ZNF121: variants seen among roughly 807,000 people sequenced by gnomAD.
The protein encoded by ZNF121 is zinc finger protein 121.
In ZNF121, 1 loss-of-function variant was observed where a neutral mutation model predicts 2.4. The observed-to-expected ratio is 0.41, with a 90% CI of 0.15 to 1.94. The LOEUF (loss-of-function observed/expected upper bound fraction) is 1.94, where lower values mean the gene tolerates loss of function less well. ZNF121 is among the 30% of genes most tolerant of loss of function. The probability of loss-of-function intolerance (pLI) is 0.30; values close to 1 mark genes in which losing one functional copy is unlikely to be tolerated. For missense variants in ZNF121, 369 were observed against 466.3 expected, an observed-to-expected ratio of 0.79 and a Z score of 1.92; for synonymous variants, 173 against 158.6, an observed-to-expected ratio of 1.09 and a Z score of -0.68.
At chr19:9,567,152 T>C in intron 3 of ZNF121, 43 bp from the exon 4 acceptor site, 1 of 1,521,734 alleles carries the variant, frequency 6.6e-7, no homozygotes, top group Non-Finnish European at 8.9e-7. Context: ...ATTTTTCAGA[T>C]TTATCAACAG....
chr19:9,577,166 G>A (rs1220866167), intron 1 of ZNF121, among the ~76,000 whole-genome samples: 1 of 152,224 alleles, frequency 6.6e-6, no homozygotes, highest in Non-Finnish European at 1.5e-5. Flanking sequence ...AGGCCAGGCT[G>A]GGTGCAGTGG....
Position 9,566,083 on chromosome 19 carries a change from C to G in ZNF121, c.1030G>C (p.Glu344Gln), listed in dbSNP as rs750802865. The G allele has an allele frequency of 6.2e-7, 1 of 1,613,978 alleles. No individual in the cohort carries two copies. Among genetic ancestry groups the G allele is most frequent in the Non-Finnish European group, 8.5e-7 (1 of 1,179,986 alleles). ...GAAGCACGGAAGGTTTTCCCACATT[C>G]CTTACATATATACGGTTTCTCTCCA... ...HTGEKPYICKECGKTFRASSH... is the reference protein window; with the variant it reads ...HTGEKPYICKQCGKTFRASSH... Residue 344 changes from glutamate to glutamine, a missense_variant, in exon 4 of 4, where the codon GAA becomes CAA. By Grantham distance (29) the Glu-to-Gln change is conservative (BLOSUM62 2). Transcript: ENST00000320451.
intron 1 of ZNF121, among the ~76,000 whole-genome samples, chr19:9,571,706 G>C (rs2074175464): frequency 6.6e-6 from 1 of 152,092 alleles, no homozygotes; most frequent in South Asian, 2.1e-4. Flanking sequence ...ACACTATGTT[G>C]ACACCATTAT....
chr19:9,562,450 C>T lies in ZNF121; in HGVS notation c.*3490G>A. ...AGGTGCTGGGATTACAGGTGTGAGC[C>T]ACCGTGCCCGGCTGCTCTGTGATCT... On this transcript the variant is annotated 3_prime_UTR_variant, in exon 4 of 4. Transcript: ENST00000320451. 3.5e-6 allele frequency: 1 copy of T among 285,998 alleles called. No homozygotes were observed. Among genetic ancestry groups the T allele is most frequent in the Non-Finnish European group, 7.9e-6 (1 of 127,124 alleles). The allele number at this position is 285,998 out of a possible 1,614,324, so 17.7% of individuals were successfully genotyped here. A position where few individuals can be genotyped will look rare whatever the true frequency, so the allele number is the denominator to read the frequency against.
At chr19:9,575,613 T>C (rs1396760267) in intron 1 of ZNF121, among the ~76,000 whole-genome samples, 1 of 151,186 alleles carries the variant, frequency 6.6e-6, no homozygotes, top group East Asian at 2.0e-4. Flanking sequence ...TGTGGTGGTG[T>C]GTGCCTGTAA....
At chr19:9,570,232 T>C (rs1023778792) in intron 1 of ZNF121, among the ~76,000 whole-genome samples, 2 of 152,116 alleles carry the variant, frequency 1.3e-5, no homozygotes, top group African/African-American at 2.4e-5. Context: ...AGAGCTTCTT[T>C]AGGACACCCC....
At position 9,564,896 on chromosome 19, in the gene ZNF121, A is replaced by G. The variant is rs2074119600; in HGVS notation, c.*1044T>C. 6.6e-6 allele frequency: 1 copy of G among 152,334 alleles called. No individual in the cohort carries two copies. Among genetic ancestry groups the G allele is most frequent in the Admixed American group, 6.5e-5 (1 of 15,284 alleles). The allele number at this position is 152,334 out of a possible 1,614,324, so 9.4% of individuals were successfully genotyped here. A position where few individuals can be genotyped will look rare whatever the true frequency, so the allele number is the denominator to read the frequency against. On this transcript the variant is annotated 3_prime_UTR_variant, in exon 4 of 4. Coordinates refer to ENST00000320451, the MANE Select transcript of ZNF121 (RefSeq NM_001008727.5). ...AACTGCCACAGCCACCCTGATCAAC[A>G]GCCATCAACACTGAGGCAAGACCTA...
At chr19:9,567,610 T>C (rs568643763) in intron 3 of ZNF121, 26 of 272,852 alleles carry the variant, frequency 9.5e-5, no homozygotes, top group Non-Finnish European at 1.7e-4. Flanking sequence ...CTATTATTAT[T>C]ACATTGTAAT....
At chr19:9,568,281 C>T (rs571723737) in intron 2 of ZNF121, 106 bp from the exon 3 acceptor site, 1 of 504,998 alleles carries the variant, frequency 2.0e-6, no homozygotes, top group South Asian at 4.3e-5. Flanking sequence ...ATATTCAGCA[C>T]ACTCAAAAAA....
At chr19:9,580,611 G>GC (rs1451293726) in intron 1 of ZNF121, among the ~76,000 whole-genome samples, 1 of 152,090 alleles carries the variant, frequency 6.6e-6, no homozygotes, top group Non-Finnish European at 1.5e-5. Flanking sequence ...GTGCTTTAAC[G>GC]CCCCACACAG....
chr19:9,568,790 A>G (rs2074152724), intron 2 of ZNF121, among the ~76,000 whole-genome samples: 1 of 152,218 alleles, frequency 6.6e-6, no homozygotes, highest in African/African-American at 2.4e-5. Flanking sequence ...TTAAAGTCAT[A>G]AACAAAAAGA....
At chr19:9,578,941 G>C (rs114391388) in intron 1 of ZNF121, among the ~76,000 whole-genome samples, 1,808 of 119,474 alleles carry the variant, frequency 0.015, 39 homozygotes, top group African/African-American at 0.052. Context: ...ACCTGACAAA[G>C]ATTAGTAATC....
chr19:9,576,735 G>T (rs2074212600), intron 1 of ZNF121, among the ~76,000 whole-genome samples: 1 of 151,608 alleles, frequency 6.6e-6, no homozygotes, highest in Non-Finnish European at 1.5e-5. Context: ...GCTAGACTAA[G>T]GGGAAAAAAA....
chr19:9,580,015 GGC>G (rs1470163524), intron 1 of ZNF121, among the ~76,000 whole-genome samples: 1 of 152,130 alleles, frequency 6.6e-6, no homozygotes, highest in African/African-American at 2.4e-5. Context: ...TTGTCAGCCA[GGC>G]GCGGGTGGCT....
intron 1 of ZNF121, among the ~76,000 whole-genome samples, chr19:9,577,682 G>GA (rs946259506): frequency 4.6e-4 from 70 of 151,416 alleles, no homozygotes; most frequent in African/African-American, 1.6e-3. Flanking sequence ...CACAAAAAGA[G>GA]AAAAAAAATC....
intron 1 of ZNF121, among the ~76,000 whole-genome samples, chr19:9,574,220 A>C (rs1022940082): frequency 2.0e-5 from 3 of 151,984 alleles, no homozygotes; most frequent in East Asian, 3.9e-4. Context: ...ATCTCGGCTC[A>C]CTGCAACCTC....
At chr19:9,570,192 C>A (rs1361825263) in intron 1 of ZNF121, among the ~76,000 whole-genome samples, 3 of 152,046 alleles carry the variant, frequency 2.0e-5, no homozygotes, top group Non-Finnish European at 4.4e-5. Flanking sequence ...GGCAACAGAG[C>A]AAGATTCCAT....
chr19:9,571,222 TTC>T (rs2144812044), intron 1 of ZNF121, among the ~76,000 whole-genome samples: 2 of 152,318 alleles, frequency 1.3e-5, no homozygotes, highest in Non-Finnish European at 2.9e-5. Context: ...CACGGTTGTG[TTC>T]TGATTAAACT....
chr19:9,568,210 G>C, intron 2 of ZNF121, 35 bp from the exon 3 acceptor site: 1 of 1,099,478 alleles, frequency 9.1e-7, no homozygotes, highest in Non-Finnish European at 1.3e-6. Flanking sequence ...AAAAAAATAG[G>C]GTCTGAGAAC....
Sources: allele counts gnomAD v4.1 joint callset (sites outside exome capture counted in the v4.1 genomes callset), GRCh38; gene constraint gnomAD v4.1.1; transcripts MANE v1.5; gene names NCBI Gene and HGNC (gene_info 2026-07-23, HGNC 2026-07-21).